GPBP1: variants seen among roughly 807,000 people sequenced by gnomAD.
GPBP1 encodes the protein GC-rich promoter binding protein 1.
In GPBP1, 13 loss-of-function variants were observed where a neutral mutation model predicts 56.5. The observed-to-expected ratio is 0.23, with a 90% confidence interval of 0.15 to 0.37. GPBP1 has a LOEUF of 0.37. GPBP1 is among the 10% of genes least tolerant of loss of function. The pLI, the probability that GPBP1 is intolerant of heterozygous loss-of-function variation, is 1.00. For synonymous variants in GPBP1, 204 were observed against 188.9 expected (o/e 1.08, Z -0.66); for missense variants, 477 against 572.3 (o/e 0.83, Z 1.70).
chr5:57,221,364 AT>A (rs762807682), intron 3 of GPBP1: 62 of 1,526,574 alleles, frequency 4.1e-5, no homozygotes, highest in Non-Finnish European at 7.1e-6. Flanking sequence ...TGATCTTATC[AT>A]TTGTTAATAG....
chr5:57,200,193 G>A (rs1384197106), intron 2 of GPBP1, among the ~76,000 whole-genome samples: 3 of 117,648 alleles, frequency 2.5e-5, no homozygotes, highest in South Asian at 2.6e-4. Context: ...TCTTTCTTTC[G>A]TTTTAGAATT....
rs547658711 is a variant in GPBP1 at position 57,198,139 on chromosome 5, A to C, written c.-57-15935A>C. On this transcript the variant is annotated intron_variant, in intron 2 of 11. Transcript: ENST00000506184. ...TTACTTCTTTTCAATCTCATTTCCC[A>C]CTCTGCCCTCCTTTGTATCTGCAGT... Among the ~76,000 whole-genome samples, 3 of 151,242 alleles carry C rather than the reference A, an allele frequency of 2.0e-5. No individual in the cohort carries two copies. The East Asian group carries it at 5.8e-4, about 29-fold the overall frequency.
At chr5:57,230,732 T>A (rs1251521207) in intron 3 of GPBP1, 114 bp from the exon 4 acceptor site, 1 of 861,882 alleles carries the variant, frequency 1.2e-6, no homozygotes, top group Non-Finnish European at 1.9e-6. Context: ...ATAACTGCAA[T>A]ATGTTTTTCT....
intron 5 of GPBP1, among the ~76,000 whole-genome samples, chr5:57,235,490 GAGT>G (rs1312544205): frequency 6.6e-6 from 1 of 151,982 alleles, no homozygotes; most frequent in Non-Finnish European, 1.5e-5. Flanking sequence ...TCCATAGGCA[GAGT>G]AGCCTGTTTT....
intron 6 of GPBP1, among the ~76,000 whole-genome samples, chr5:57,239,703 C>T (rs145039858): frequency 3.9e-5 from 6 of 152,228 alleles, no homozygotes; most frequent in Admixed American, 2.0e-4. Context: ...TCGCTTGAAC[C>T]GGGGAGGCAG....
At chr5:57,251,801 T>C (rs1250385934) in intron 10 of GPBP1, among the ~76,000 whole-genome samples, 1 of 152,194 alleles carries the variant, frequency 6.6e-6, no homozygotes, top group Non-Finnish European at 1.5e-5. Context: ...TACTTCCTTA[T>C]CAGCAATATA....
rs34521176 is a variant in GPBP1 at position 57,219,421 on chromosome 5, A to AC, written c.63+5228_63+5229insC. Among the ~76,000 whole-genome samples, 19 of 145,304 alleles carry AC rather than the reference A, an allele frequency of 1.3e-4. 2 individuals are homozygous for AC. The highest frequency in any genetic ancestry group is 2.8e-4 in the African/African-American group (11 of 38,700). On this transcript the variant is annotated intron_variant, in intron 3 of 11. Coordinates refer to ENST00000506184, the MANE Select transcript of GPBP1 (RefSeq NM_022913.4). ...AAAAAAAACCAAAAACAAACAAACA[A>AC]AAAAAAAAACAACAAAACCACACAC...
chr5:57,183,526 C>T (rs1302365552), intron 2 of GPBP1, among the ~76,000 whole-genome samples: 1 of 152,014 alleles, frequency 6.6e-6, no homozygotes, highest in Non-Finnish European at 1.5e-5. Flanking sequence ...CCTTGTAGTC[C>T]CAGCTACTTG....
chr5:57,229,049 G>A (rs1370546411), intron 3 of GPBP1, among the ~76,000 whole-genome samples: 1 of 151,726 alleles, frequency 6.6e-6, no homozygotes, highest in African/African-American at 2.4e-5. Context: ...GGCCAATAAT[G>A]ATCAAACCCC....
intron 5 of GPBP1, among the ~76,000 whole-genome samples, chr5:57,234,151 G>A (rs564292345): frequency 6.6e-6 from 1 of 152,190 alleles, no homozygotes; most frequent in African/African-American, 2.4e-5. Flanking sequence ...TCAGTACAAT[G>A]TTAGTAATCA....
chr5:57,253,136 T>A (rs1476415262), intron 10 of GPBP1, among the ~76,000 whole-genome samples: 1 of 152,204 alleles, frequency 6.6e-6, no homozygotes, highest in Non-Finnish European at 1.5e-5. Flanking sequence ...TTATTTTTGT[T>A]TTTTTGTAGT....
At chr5:57,257,040 G>GTT (rs542751162) in intron 10 of GPBP1, among the ~76,000 whole-genome samples, 1 of 146,306 alleles carries the variant, frequency 6.8e-6, no homozygotes, top group Non-Finnish European at 1.5e-5. Context: ...TTTTGTTTTT[G>GTT]TTTTTTTTTT....
chr5:57,212,623 G>GT (rs1174660449), intron 2 of GPBP1, among the ~76,000 whole-genome samples: 5 of 148,676 alleles, frequency 3.4e-5, no homozygotes, highest in African/African-American at 1.2e-4. Flanking sequence ...AGTTGTATTT[G>GT]TTTTTTATAT....
At chr5:57,209,743 A>T (rs940327590) in intron 2 of GPBP1, among the ~76,000 whole-genome samples, 1 of 152,136 alleles carries the variant, frequency 6.6e-6, no homozygotes, top group African/African-American at 2.4e-5. Flanking sequence ...ATCAATTAAG[A>T]TGATCGTTTG....
Position 57,263,760 on chromosome 5 carries a change from G to A in GPBP1, c.*1008G>A, listed in dbSNP as rs1160699770. ...AGCGTTTTCATTATCAAATACACAA[G>A]CTTATTAAATGAATGACTGTTAACT... On this transcript the variant is annotated 3_prime_UTR_variant, in exon 12 of 12. Coordinates refer to ENST00000506184, the MANE Select transcript of GPBP1 (RefSeq NM_022913.4). 6.6e-6 allele frequency: 1 copy of A among 152,072 alleles called. No homozygotes were observed. The highest frequency in any genetic ancestry group is 2.4e-5 in the African/African-American group (1 of 41,414). The allele number at this position is 152,072 out of a possible 1,614,324, so 9.4% of individuals were successfully genotyped here.
Position 57,188,292 on chromosome 5 carries a change from A to G in GPBP1, c.-58+11892A>G, listed in dbSNP as rs150089297. On this transcript the variant is annotated intron_variant, in intron 2 of 11. Transcript: ENST00000506184. ...ACATGCATTCCACTCTTGGGATAATACTTGTGTAATTTGTGGTATGATACC... is the reference window on the plus strand; with the variant it reads ...ACATGCATTCCACTCTTGGGATAATGCTTGTGTAATTTGTGGTATGATACC... Among the ~76,000 whole-genome samples, 115 of 152,128 alleles carry G rather than the reference A, an allele frequency of 7.6e-4. 3 individuals carry two copies. The East Asian group carries it at 0.021, about 28-fold the overall frequency.
intron 4 of GPBP1, 51 bp from the exon 5 acceptor site, chr5:57,231,047 T>C (rs1756435252): frequency 6.3e-7 from 1 of 1,586,894 alleles, no homozygotes. Flanking sequence ...TGATTCAATC[T>C]TTAAGCTTCT....
chr5:57,198,800 C>CA (rs1384874142), intron 2 of GPBP1, among the ~76,000 whole-genome samples: 1 of 152,078 alleles, frequency 6.6e-6, no homozygotes, highest in Non-Finnish European at 1.5e-5. Context: ...GCCTGGGTGA[C>CA]AGTGAGACTG....
intron 2 of GPBP1, among the ~76,000 whole-genome samples, chr5:57,207,688 A>G (rs1755293581): frequency 6.6e-6 from 1 of 152,100 alleles, no homozygotes. Flanking sequence ...GCAAGGTTTT[A>G]TTGAGTGGAA....
Sources: gnomAD v4.1 joint callset for allele counts (sites outside exome capture counted in the v4.1 genomes callset) on GRCh38, gnomAD v4.1.1 for gene constraint, MANE v1.5 for transcripts, NCBI Gene and HGNC (gene_info 2026-07-23, HGNC 2026-07-21) for gene names.